Variants in CDH11 observed in about 807,000 individuals in gnomAD.
The protein encoded by CDH11 is cadherin-11.
CDH11 carries 11 observed loss-of-function variants against 67.8 expected under a neutral mutation model. That is an observed-to-expected ratio of 0.16 (90% CI 0.10 to 0.27). The LOEUF is 0.27. Ranked by LOEUF, CDH11 falls within the 10% of genes least tolerant of loss-of-function variation. The pLI is 1.00. For missense variants in CDH11, 847 were observed against 1,031.2 expected (o/e 0.82, Z 2.45); for synonymous variants, 419 against 400.0 (o/e 1.05, Z -0.57).
intron 1 of CDH11, among the ~76,000 whole-genome samples, chr16:65,102,628 G>C (rs1334015054): frequency 6.6e-6 from 1 of 152,214 alleles, no homozygotes; most frequent in Non-Finnish European, 1.5e-5. Flanking sequence ...ATGCTCTTGA[G>C]ATTTATCCTT....
intron 8 of CDH11, chr16:64,981,029 G>T: frequency 6.6e-6 from 1 of 151,202 alleles, no homozygotes; most frequent in Non-Finnish European, 1.5e-5. Context: ...AGCTTCATCA[G>T]TCATTAGCTC....
intron 1 of CDH11, among the ~76,000 whole-genome samples, chr16:65,076,293 C>G (rs2074508009): frequency 6.6e-6 from 1 of 152,196 alleles, no homozygotes; most frequent in Non-Finnish European, 1.5e-5. Context: ...GGCATAACTG[C>G]CTTTGCTTCT....
At position 64,982,104 on chromosome 16, in the gene CDH11, G is replaced by A. The variant is rs1163957916; in HGVS notation, c.1197C>T (p.Gly399=). The A allele has an allele frequency of 3.1e-6, 5 of 1,613,926 alleles. No individual in the cohort carries two copies. Among genetic ancestry groups the A allele is most frequent in the Admixed American group, 1.7e-5 (1 of 59,992 alleles). The change falls in exon 8 of 13, where the codon GGC becomes GGT. Residue 399 remains glycine (G), a synonymous_variant. Transcript: ENST00000268603. ...TGGCATGCACTCTCCCAACCACGGT[G>A]CCAGCAGCTGCATTTTCTTGGACTT... ...IHEVQENAAA[G]TVVGRVHAKD...
chr16:65,115,167 C>G lies in CDH11; in HGVS notation c.-298+6713G>C, dbSNP rs150160787. On this transcript the variant is annotated intron_variant, in intron 1 of 12. Transcript: ENST00000268603. ...ACTGCAGGGTAACTTACCACAGCAA[C>G]CCATACGCAGAACGAACAGAGGGAA... Among the ~76,000 whole-genome samples the G allele has an allele frequency of 7.2e-3, 1,096 of 152,124 alleles. 5 individuals are homozygous for G. Among genetic ancestry groups the G allele is most frequent in the Middle Eastern group, 0.014 (4 of 294 alleles).
At chr16:64,962,787 T>C (rs1329052350) in intron 11 of CDH11, among the ~76,000 whole-genome samples, 1 of 152,158 alleles carries the variant, frequency 6.6e-6, no homozygotes, top group African/African-American at 2.4e-5. Context: ...TGGGATTTTA[T>C]CAGAGACTAA....
chr16:64,984,251 G>T (rs2072427957), intron 7 of CDH11, among the ~76,000 whole-genome samples: 1 of 152,192 alleles, frequency 6.6e-6, no homozygotes, highest in African/African-American at 2.4e-5. Context: ...TGGAATGGAG[G>T]GGAGCATCCC....
chr16:65,098,936 C>A (rs939195805), intron 1 of CDH11, among the ~76,000 whole-genome samples: 1 of 152,044 alleles, frequency 6.6e-6, no homozygotes, highest in Admixed American at 6.6e-5. Flanking sequence ...ATAAAATGAC[C>A]TTTGAGGTCA....
At chr16:65,067,657 CAT>C (rs570800957) in intron 1 of CDH11, among the ~76,000 whole-genome samples, 113 of 148,188 alleles carry the variant, frequency 7.6e-4, no homozygotes, top group East Asian at 1.8e-3. Flanking sequence ...CACACTGACA[CAT>C]AGAATTGGGA....
At chr16:64,983,815 T>C (rs1441030881) in intron 7 of CDH11, among the ~76,000 whole-genome samples, 3 of 152,210 alleles carry the variant, frequency 2.0e-5, no homozygotes, top group Non-Finnish European at 4.4e-5. Flanking sequence ...TAAAAAATCC[T>C]TTCAAATATT....
chr16:65,045,022 C>T (rs931526640), intron 2 of CDH11, among the ~76,000 whole-genome samples: 37 of 151,858 alleles, frequency 2.4e-4, no homozygotes, highest in African/African-American at 9.0e-4. Context: ...TGTGTGGGGG[C>T]TGGCACGGCA....
chr16:65,096,283 C>T (rs1416987720), intron 1 of CDH11, among the ~76,000 whole-genome samples: 2 of 152,084 alleles, frequency 1.3e-5, no homozygotes, highest in African/African-American at 4.8e-5. Context: ...GCCTCCAGAA[C>T]TGTAAACAAT....
At chr16:64,990,032 T>C (rs1242762944) in intron 6 of CDH11, among the ~76,000 whole-genome samples, 1 of 152,202 alleles carries the variant, frequency 6.6e-6, no homozygotes, top group Non-Finnish European at 1.5e-5. Context: ...CCCTTGTAGA[T>C]AATTACCAAT....
intron 3 of CDH11, among the ~76,000 whole-genome samples, 155 bp from the exon 4 acceptor site, chr16:64,999,011 G>A (rs1261373716): frequency 6.6e-6 from 1 of 152,150 alleles, no homozygotes; most frequent in Admixed American, 6.5e-5. Flanking sequence ...GGCAATCTTA[G>A]AGAATATCAT....
intron 11 of CDH11, chr16:64,968,705 A>G (rs1488028436): frequency 3.0e-5 from 6 of 197,668 alleles, no homozygotes; most frequent in Non-Finnish European, 5.5e-5. Flanking sequence ...TTTACATGGC[A>G]TAATGGAAGT....
chr16:65,062,645 C>T (rs1285932826), intron 1 of CDH11, among the ~76,000 whole-genome samples: 1 of 152,198 alleles, frequency 6.6e-6, no homozygotes, highest in African/African-American at 2.4e-5. Flanking sequence ...TAGGCACTTA[C>T]TCTGAAGACA....
chr16:65,074,492 T>C (rs957629429), intron 1 of CDH11, among the ~76,000 whole-genome samples: 4 of 152,212 alleles, frequency 2.6e-5, no homozygotes, highest in Admixed American at 2.0e-4. Context: ...ATTGTTGCTA[T>C]AAGATAATTC....
intron 3 of CDH11, among the ~76,000 whole-genome samples, chr16:65,003,537 G>A (rs997276282): frequency 4.6e-5 from 7 of 152,208 alleles, no homozygotes. Context: ...GATTACAGGT[G>A]TGAGCCACTG....
chr16:64,994,202 C>A (rs59208924), intron 4 of CDH11, among the ~76,000 whole-genome samples: 82 of 152,122 alleles, frequency 5.4e-4, no homozygotes, highest in Admixed American at 4.6e-3. Context: ...TTCATTATTT[C>A]ATAGAAACAA....
chr16:65,092,409 C>G (rs1023314521), intron 1 of CDH11, among the ~76,000 whole-genome samples: 1 of 152,192 alleles, frequency 6.6e-6, no homozygotes, highest in Non-Finnish European at 1.5e-5. Context: ...AAGATGACCT[C>G]AATCCCATTC....
Sources: allele counts gnomAD v4.1 joint callset (sites outside exome capture counted in the v4.1 genomes callset), GRCh38; gene constraint gnomAD v4.1.1; transcripts MANE v1.5; gene names NCBI Gene and HGNC (gene_info 2026-07-23, HGNC 2026-07-21).